TTYH3: variants seen among roughly 807,000 people sequenced by gnomAD.
TTYH3 encodes the protein protein tweety homolog 3.
In TTYH3, 23 loss-of-function variants were observed where a neutral mutation model predicts 68.2. The ratio of observed to expected loss-of-function variants is 0.34; its 90% CI spans 0.24 to 0.48. The LOEUF is 0.48. Ranked by LOEUF, TTYH3 falls within the 20% of genes least tolerant of loss-of-function variation. TTYH3 has a pLI of 0.99. For synonymous variants in TTYH3, 360 were observed against 332.8 expected (o/e 1.08, Z -0.89); for missense variants, 768 against 727.7 (o/e 1.06, Z -0.64).
intron 7 of TTYH3, among the ~76,000 whole-genome samples, chr7:2,651,133 GGTGCC>G (rs1288018742): frequency 6.6e-6 from 1 of 152,044 alleles, no homozygotes; most frequent in East Asian, 1.9e-4. Flanking sequence ...TGGAGATCGG[GGTGCC>G]GTCAGTGTGT....
rs113277597 is a variant in TTYH3 at position 2,661,367 on chromosome 7, C to T, written c.1501-301C>T. Among the ~76,000 whole-genome samples, 426 of 152,254 alleles carry T rather than the reference C, an allele frequency of 2.8e-3. 3 individuals carry two copies. The highest frequency in any genetic ancestry group is 1.0e-2 in the African/African-American group (415 of 41,544). On this transcript the variant is annotated intron_variant, in intron 13 of 13. Coordinates refer to ENST00000258796, the MANE Select transcript of TTYH3 (RefSeq NM_025250.3). ...TCTGCCTGGCCCAATGCCCAAATGC[C>T]GCTGGTGTGGGCATGGGAGGCTGTG...
Position 2,633,820 on chromosome 7 carries a change from C to T in TTYH3, c.123+1542C>T, listed in dbSNP as rs180945139. ...GCTGCCCCTTGGGCTGCCACCTGCC[C>T]GAGCTGCCAGCCACAGTTGGACTTC... On this transcript the variant is annotated intron_variant, in intron 1 of 13. Transcript: ENST00000258796. Among the ~76,000 whole-genome samples the T allele has an allele frequency of 5.9e-5, 9 of 152,332 alleles. No homozygotes were observed. In the East Asian group the frequency reaches 9.6e-4, roughly 16 times the overall value.
chr7:2,637,107 C>T lies in TTYH3; in HGVS notation c.123+4829C>T, dbSNP rs113865298. On this transcript the variant is annotated intron_variant, in intron 1 of 13. Coordinates refer to ENST00000258796, the MANE Select transcript of TTYH3 (RefSeq NM_025250.3). ...CTCCAGTCTGTGTGTGCGGGACCCCCGCCTGCCCCCCACTCGCCTGAGACT... is the reference window on the plus strand; with the variant it reads ...CTCCAGTCTGTGTGTGCGGGACCCCTGCCTGCCCCCCACTCGCCTGAGACT... Among the ~76,000 whole-genome samples, 687 of 152,284 alleles carry T rather than the reference C, an allele frequency of 4.5e-3. 8 individuals carry two copies. The highest frequency in any genetic ancestry group is 0.015 in the African/African-American group (633 of 41,554).
intron 13 of TTYH3, chr7:2,660,014 G>A (rs751059019): frequency 2.3e-6 from 3 of 1,303,076 alleles, no homozygotes; most frequent in Admixed American, 4.6e-5. Flanking sequence ...CCCGAACGCT[G>A]TGGTAGCTGT....
intron 1 of TTYH3, among the ~76,000 whole-genome samples, chr7:2,640,384 G>C (rs933294855): frequency 1.3e-5 from 2 of 149,696 alleles, no homozygotes; most frequent in African/African-American, 4.9e-5. Flanking sequence ...TGCATGTAGA[G>C]CAGCCGCCTG....
intron 1 of TTYH3, among the ~76,000 whole-genome samples, chr7:2,640,489 A>G (rs1785811501): frequency 6.6e-6 from 1 of 152,102 alleles, no homozygotes; most frequent in Non-Finnish European, 1.5e-5. Flanking sequence ...TGCCAGGCCC[A>G]GGTCCTGCCA....
intron 5 of TTYH3, chr7:2,648,448 A>T (rs955807580): frequency 4.6e-5 from 9 of 195,248 alleles, no homozygotes; most frequent in Non-Finnish European, 9.3e-5. Flanking sequence ...CCGGCTCACT[A>T]GGAGGGTGAC....
rs1232070489 is a variant in TTYH3 at position 2,663,339 on chromosome 7, C to T, written c.*1600C>T. ...CCTGGACCGGAAATGTCCTCATCCC[C>T]TCCCTGGGGCCAGGCTCTGCCCTGG... On this transcript the variant is annotated 3_prime_UTR_variant, in exon 14 of 14. Coordinates refer to ENST00000258796, the MANE Select transcript of TTYH3 (RefSeq NM_025250.3). The T allele has an allele frequency of 3.9e-5, 6 of 152,838 alleles. No individual in the cohort carries two copies. The allele number at this position is 152,838 out of a possible 1,614,324, so 9.5% of individuals were successfully genotyped here.
chr7:2,659,239 G>T (rs1457054474), intron 13 of TTYH3, among the ~76,000 whole-genome samples: 1 of 152,162 alleles, frequency 6.6e-6, no homozygotes, highest in East Asian at 1.9e-4. Context: ...GCTCCTCCCC[G>T]CTGGCCTTGG....
Position 2,649,984 on chromosome 7 carries a change from T to C in TTYH3, c.867T>C (p.Ser289=), listed in dbSNP as rs781559832. Residue 289 remains serine (S), a synonymous_variant, in exon 7 of 14, where the codon AGT becomes AGC. Transcript: ENST00000258796. ...TGGTGGAGGAGTACTCGGTGCTGAG[T>C]GGGGGTGAGTCTGTGTCCACGGCCG... ...TKMVEEYSVL[S]GDILQYYLAC... is the part of the protein sequence containing the mutation. The C allele has an allele frequency of 1.2e-6, 2 of 1,613,648 alleles. No homozygotes were observed. Among genetic ancestry groups the C allele is most frequent in the Non-Finnish European group, 1.7e-6 (2 of 1,179,896 alleles).
At position 2,658,290 on chromosome 7, in the gene TTYH3, C is replaced by G. The variant is rs570484230; in HGVS notation, c.1255C>G (p.Pro419Ala). 5.1e-6 allele frequency: 8 copies of G among 1,575,340 alleles called. No homozygotes were observed. Among genetic ancestry groups the G allele is most frequent in the Non-Finnish European group, 6.9e-6 (8 of 1,159,250 alleles). The change falls in exon 12 of 14, where the codon CCT (proline) becomes GCT (alanine). Residue 419 changes from proline (P) to alanine (A), a missense_variant. Physicochemically the swap from Pro to Ala is conservative, Grantham distance 27 (BLOSUM62 -1). Coordinates refer to ENST00000258796, the MANE Select transcript of TTYH3 (RefSeq NM_025250.3). ...GCTGCGTGTCCCTCCTCACAGAGGC[C>G]CTGATGAGGACGGGGAGGAGGAGGC... Reference protein sequence around the residue: ...VPHTWQQKRGPDEDGEEEAAP... With the variant: ...VPHTWQQKRGADEDGEEEAAP...
In TTYH3 at chr7:2,632,123, G is replaced by T; in HGVS notation, c.-33G>T. 7.4e-7 allele frequency: 1 copy of T among 1,349,634 alleles called. No homozygotes were observed. Among genetic ancestry groups the T allele is most frequent in the Non-Finnish European group, 9.6e-7 (1 of 1,043,168 alleles). The allele number at this position is 1,349,634 out of a possible 1,614,324, so 83.6% of individuals were successfully genotyped here. Reference sequence around the variant, plus strand: ...GGGCCAGCAAGGGAGCCCCGCGCAGGCCGCGCGCATCCGGAGGCGGCCGGG... The same window carrying T: ...GGGCCAGCAAGGGAGCCCCGCGCAGTCCGCGCGCATCCGGAGGCGGCCGGG... On this transcript the variant is annotated 5_prime_UTR_variant, in exon 1 of 14. Coordinates refer to ENST00000258796, the MANE Select transcript of TTYH3 (RefSeq NM_025250.3).
intron 12 of TTYH3, 29 bp from the exon 13 acceptor site, chr7:2,658,911 C>T (rs1327439459): frequency 6.2e-7 from 1 of 1,611,314 alleles, no homozygotes; most frequent in South Asian, 1.1e-5. Context: ...CCAGCAGGCA[C>T]TCACAGCCTC....
At chr7:2,638,059 G>A (rs1180431524) in intron 1 of TTYH3, among the ~76,000 whole-genome samples, 3 of 152,178 alleles carry the variant, frequency 2.0e-5, no homozygotes, top group African/African-American at 7.2e-5. Flanking sequence ...GAGCACTCCT[G>A]AAGTTCTGGG....
rs759538015 is a variant in TTYH3, at chr7:2,647,509, G to C, written c.497G>C (p.Arg166Pro). Residue 166 changes from arginine (R) to proline (P), a missense_variant, in exon 4 of 14, where the codon CGA becomes CCA. Physicochemically the swap from Arg to Pro is moderately radical, Grantham distance 103. Transcript: ENST00000258796. ...RQLAGRPEPL[R>P]AVQRLQGLLE... Reference sequence around the variant, plus strand: ...CTGGCCGGGCGGCCCGAGCCCCTGCGAGCCGTACAGAGGCTGCAGGGCCTG... The same window carrying C: ...CTGGCCGGGCGGCCCGAGCCCCTGCCAGCCGTACAGAGGCTGCAGGGCCTG... 1.3e-6 allele frequency: 2 copies of C among 1,543,592 alleles called. No homozygotes were observed. The highest frequency in any genetic ancestry group is 1.7e-6 in the Non-Finnish European group (2 of 1,146,442).
chr7:2,647,061 G>GGGGGCGGCCCGAGGGGGCGGGGCTGGAGT, intron 2 of TTYH3, 39 bp downstream of exon 2: 1 of 1,532,518 alleles, frequency 6.5e-7, no homozygotes, highest in Non-Finnish European at 8.8e-7. Flanking sequence ...CGGGGCCAGA[G>GGGGGCGGCCCGAGGGGGCGGGGCTGGAGT]GGGGCGGCCC....
intron 1 of TTYH3, 139 bp downstream of exon 1, chr7:2,632,417 C>T: frequency 2.3e-6 from 2 of 878,728 alleles, no homozygotes; most frequent in East Asian, 6.2e-5. Flanking sequence ...CTCCTCCTCG[C>T]AGGTACCGGC....
chr7:2,648,011 G>T lies in TTYH3; in HGVS notation c.679G>T (p.Val227Leu). The part of the protein sequence containing the change: ...LLLDVIICLL[V>L]LVGLIRSSKG... ...GCTGGACGTCATCATCTGCCTCCTGGTGCTGGTTGGCCTCATCCGCAGCTC... is the reference window on the plus strand; with the variant it reads ...GCTGGACGTCATCATCTGCCTCCTGTTGCTGGTTGGCCTCATCCGCAGCTC... Residue 227 changes from valine to leucine, a missense_variant, in exon 5 of 14, where the codon GTG (valine) becomes TTG (leucine). Coordinates refer to ENST00000258796, the MANE Select transcript of TTYH3 (RefSeq NM_025250.3). 7 of 1,611,030 alleles carry T rather than the reference G, an allele frequency of 4.3e-6. No individual in the cohort carries two copies. Among genetic ancestry groups the T allele is most frequent in the Non-Finnish European group, 5.9e-6 (7 of 1,179,898 alleles).
intron 2 of TTYH3, 29 bp from the exon 3 acceptor site, chr7:2,647,113 G>T (rs762427215): frequency 2.5e-6 from 4 of 1,570,104 alleles, no homozygotes; most frequent in Non-Finnish European, 3.4e-6. Flanking sequence ...GGTGGGCGGG[G>T]CTACATCTCA....
Sources: allele counts gnomAD v4.1 joint callset (sites outside exome capture counted in the v4.1 genomes callset), GRCh38; gene constraint gnomAD v4.1.1; transcripts MANE v1.5; gene names NCBI Gene and HGNC (gene_info 2026-07-23, HGNC 2026-07-21).